Variants in SLCO5A1 observed in about 807,000 individuals in gnomAD.
SLCO5A1 encodes solute carrier organic anion transporter family member 5A1, also known as organic anion transporter polypeptide-related protein 4.
Under a neutral mutation model 65.1 loss-of-function variants are expected in SLCO5A1, and 39 were observed. The observed-to-expected ratio is 0.60, with a 90% CI of 0.46 to 0.78. SLCO5A1 has a LOEUF of 0.78. SLCO5A1 is among the 30% of genes least tolerant of loss of function. The pLI is 0.00. For missense variants in SLCO5A1, 1,029 were observed against 1,069.4 expected (o/e 0.96, Z 0.53); for synonymous variants, 438 against 415.7 (o/e 1.05, Z -0.65).
chr8:69,731,650 C>A (rs1816339829), intron 5 of SLCO5A1, among the ~76,000 whole-genome samples: 1 of 152,180 alleles, frequency 6.6e-6, no homozygotes, highest in Admixed American at 6.5e-5. Flanking sequence ...AAATGTAATT[C>A]AGCATGATAT....
chr8:69,744,694 T>C (rs2130849436), intron 4 of SLCO5A1, among the ~76,000 whole-genome samples: 1 of 152,358 alleles, frequency 6.6e-6, no homozygotes, highest in South Asian at 2.1e-4. Context: ...TTGGAATGCA[T>C]TTATTAACAT....
chr8:69,750,309 C>T (rs1213759694), intron 4 of SLCO5A1, among the ~76,000 whole-genome samples: 2 of 152,052 alleles, frequency 1.3e-5, no homozygotes, highest in Admixed American at 6.5e-5. Context: ...CTCTACTAGT[C>T]GAAACCTCTC....
chr8:69,710,926 A>G (rs1815213693), intron 5 of SLCO5A1, among the ~76,000 whole-genome samples: 1 of 152,134 alleles, frequency 6.6e-6, no homozygotes, highest in Non-Finnish European at 1.5e-5. Context: ...CCGATCAGAG[A>G]AAGATCCGAA....
chr8:69,737,826 C>A (rs1278317279), intron 5 of SLCO5A1, among the ~76,000 whole-genome samples: 3 of 152,178 alleles, frequency 2.0e-5, no homozygotes, highest in African/African-American at 7.2e-5. Flanking sequence ...TCTCTCCCTT[C>A]CCAAAACACA....
intron 2 of SLCO5A1, among the ~76,000 whole-genome samples, chr8:69,791,464 T>C (rs952221018): frequency 6.6e-6 from 1 of 152,218 alleles, no homozygotes; most frequent in Non-Finnish European, 1.5e-5. Context: ...ATTACAGTCA[T>C]TAAAAATTGT....
intron 2 of SLCO5A1, among the ~76,000 whole-genome samples, chr8:69,798,692 G>A (rs1819606815): frequency 6.6e-6 from 1 of 152,032 alleles, no homozygotes; most frequent in Admixed American, 6.6e-5. Context: ...ATTTGGGCAG[G>A]GACACAGATC....
At chr8:69,681,735 G>A (rs113741996) in intron 7 of SLCO5A1, among the ~76,000 whole-genome samples, 5 of 151,854 alleles carry the variant, frequency 3.3e-5, no homozygotes, top group South Asian at 4.1e-4. Flanking sequence ...TTTTTAAGCC[G>A]GAACTGAACT....
chr8:69,768,891 G>A (rs1363824458), intron 2 of SLCO5A1, among the ~76,000 whole-genome samples: 1 of 152,068 alleles, frequency 6.6e-6, no homozygotes, highest in East Asian at 1.9e-4. Context: ...TTACTTCACT[G>A]CTCGTCTAAC....
rs60084340 is a variant in SLCO5A1 at position 69,669,815 on chromosome 8, CA to C, written c.*3053del. 0.6 allele frequency: 86,011 copies of C among 144,166 alleles called. 25,388 individuals carry two copies. Among genetic ancestry groups the C allele is most frequent in the African/African-American group, 0.65 (25,407 of 39,092 alleles). 8.9% of individuals were successfully genotyped at this position (144,166 alleles called of 1,614,324 possible). ...TGGGTGACAGAGCAAGACTCTGTCT[CA>C]AAAAAAAAAAAAGAATCAAATCTTT... On this transcript the variant is annotated 3_prime_UTR_variant, in exon 10 of 10. Transcript: ENST00000260126.
intron 2 of SLCO5A1, among the ~76,000 whole-genome samples, chr8:69,778,536 C>T (rs1184194724): frequency 6.6e-6 from 1 of 151,668 alleles, no homozygotes; most frequent in Non-Finnish European, 1.5e-5. Context: ...AGTGAAATTA[C>T]AATGTGGGAT....
intron 9 of SLCO5A1, among the ~76,000 whole-genome samples, chr8:69,674,348 GC>G: frequency 6.6e-6 from 1 of 152,336 alleles, no homozygotes; most frequent in South Asian, 2.1e-4. Context: ...GAGGAAGGGA[GC>G]CAGGAAGACA....
intron 2 of SLCO5A1, among the ~76,000 whole-genome samples, chr8:69,765,052 A>G (rs114585948): frequency 0.036 from 5,466 of 152,284 alleles, 205 homozygotes; most frequent in African/African-American, 0.091. Context: ...AAAATTTGGA[A>G]AAGTAACCAG....
At chr8:69,731,212 C>A (rs112655233) in intron 5 of SLCO5A1, among the ~76,000 whole-genome samples, 1 of 152,126 alleles carries the variant, frequency 6.6e-6, no homozygotes, top group Admixed American at 6.5e-5. Flanking sequence ...GCTGGCCAGG[C>A]TAGTCTCAAA....
At position 69,682,166 on chromosome 8, in the gene SLCO5A1, C is replaced by T. The variant is rs1014432607; in HGVS notation, c.1782+18G>A. ...GGATGTTGGACTAACAGAAGAGGAA[C>T]TTGTGAAATATACTCACCCCAGTGC... On this transcript the variant is annotated intron_variant, in intron 7 of 9. Coordinates refer to ENST00000260126, the MANE Select transcript of SLCO5A1 (RefSeq NM_030958.3). 1.3e-6 allele frequency: 2 copies of T among 1,595,122 alleles called. No individual in the cohort carries two copies. Among genetic ancestry groups the T allele is most frequent in the Non-Finnish European group, 1.7e-6 (2 of 1,172,858 alleles).
Position 69,755,569 on chromosome 8 carries a change from C to A in SLCO5A1, c.1113G>T (p.Lys371Asn), listed in dbSNP as rs143703772. 4 of 1,613,730 alleles carry A rather than the reference C, an allele frequency of 2.5e-6. No homozygotes were observed. Among genetic ancestry groups the A allele is most frequent in the African/African-American group, 1.3e-5 (1 of 74,828 alleles). ...VIFPMFTFPK[K>N]LPPRHKKKKK... ...TCTTTTTCTTGTGTCGAGGTGGAAGCTTTTTTGGGAAAGTAAACATTGGGA... is the reference window on the plus strand; with the variant it reads ...TCTTTTTCTTGTGTCGAGGTGGAAGATTTTTTGGGAAAGTAAACATTGGGA... The change falls in exon 4 of 10, where the codon AAG becomes AAT. Residue 371 changes from lysine (K) to asparagine (N), a missense_variant. Coordinates refer to ENST00000260126, the MANE Select transcript of SLCO5A1 (RefSeq NM_030958.3).
intron 2 of SLCO5A1, among the ~76,000 whole-genome samples, chr8:69,830,701 A>G (rs547182420): frequency 1.1e-4 from 16 of 152,316 alleles, no homozygotes; most frequent in Non-Finnish European, 1.9e-4. Flanking sequence ...GTAAATTTTC[A>G]TACCCTCTGC....
intron 6 of SLCO5A1, among the ~76,000 whole-genome samples, chr8:69,701,821 T>G (rs1330881273): frequency 6.6e-6 from 1 of 152,218 alleles, no homozygotes; most frequent in Non-Finnish European, 1.5e-5. Context: ...TCATTCATAT[T>G]TGGCTCAGAA....
At position 69,668,852 on chromosome 8, in the gene SLCO5A1, G is replaced by A. The variant is rs1813255235; in HGVS notation, c.*4017C>T. On this transcript the variant is annotated 3_prime_UTR_variant, in exon 10 of 10. Coordinates refer to ENST00000260126, the MANE Select transcript of SLCO5A1 (RefSeq NM_030958.3). ...AGTGCATGCCACTAAAGGTAACAAT[G>A]TCACAGCGACTAAAGGGAACAATCG... 1 of 152,038 alleles carries A rather than the reference G, an allele frequency of 6.6e-6. No homozygotes were observed. The highest frequency in any genetic ancestry group is 2.1e-4 in the South Asian group (1 of 4,826). 9.4% of individuals were successfully genotyped at this position (152,038 alleles called of 1,614,324 possible).
chr8:69,786,130 A>G (rs1183919525), intron 2 of SLCO5A1, among the ~76,000 whole-genome samples: 1 of 152,214 alleles, frequency 6.6e-6, no homozygotes, highest in Non-Finnish European at 1.5e-5. Flanking sequence ...GAAAGTTAAT[A>G]TACTTCTAAA....
Sources: allele counts gnomAD v4.1 joint callset (sites outside exome capture counted in the v4.1 genomes callset), GRCh38; gene constraint gnomAD v4.1.1; transcripts MANE v1.5; gene names NCBI Gene and HGNC (gene_info 2026-07-23, HGNC 2026-07-21).